The following IPO4 variants were observed in gnomAD, a reference collection of about 807,000 sequenced individuals.
IPO4 encodes the protein importin 4.
A neutral mutation model predicts 133.5 loss-of-function variants in IPO4; 91 were observed. That is an observed-to-expected ratio of 0.68 (90% CI 0.58 to 0.81). The LOEUF (loss-of-function observed/expected upper bound fraction) is 0.81, where lower values mean the gene tolerates loss of function less well. IPO4 is among the 30% of genes least tolerant of loss of function. The pLI is 0.00. For synonymous variants in IPO4, 607 were observed against 581.6 expected (o/e 1.04, Z -0.63); for missense variants, 1,279 against 1,386.2 (o/e 0.92, Z 1.23).
Position 24,186,960 on chromosome 14 carries a change from A to G in IPO4, c.674T>C (p.Leu225Pro), listed in dbSNP as rs745774606. 2 of 1,614,166 alleles carry G rather than the reference A, an allele frequency of 1.2e-6. No individual in the cohort carries two copies. The highest frequency in any genetic ancestry group is 2.2e-5 in the South Asian group (2 of 91,088). ...PIDEAKACEA[L>P]EALDELLESE... ...CTCCAACAGTTCATCCAAAGCCTCA[A>G]GGGCCTCACAGGCCTTTGCCTGACA... Residue 225 changes from leucine (L) to proline (P), a missense_variant, in exon 8 of 30, where the codon CTT becomes CCT. Leu to Pro is a moderately conservative substitution (Grantham distance 98, BLOSUM62 -3). Transcript: ENST00000354464.
intron 12 of IPO4, 75 bp downstream of exon 12, chr14:24,185,786 A>G (rs1434562259): frequency 1.1e-5 from 13 of 1,194,558 alleles, no homozygotes; most frequent in Non-Finnish European, 1.5e-5. Flanking sequence ...AATAAGCTTG[A>G]ACAACAAGCG....
chr14:24,180,413 T>C lies in IPO4; in HGVS notation c.*29A>G, dbSNP rs775567600. On this transcript the variant is annotated 3_prime_UTR_variant, in exon 30 of 30. Transcript: ENST00000354464. Reference sequence around the variant, plus strand: ...GGTCTTAAGGCCTGGGCAGGCTCTATTCTCTCTGGACTGGCTGCAGCCTGC... The same window carrying C: ...GGTCTTAAGGCCTGGGCAGGCTCTACTCTCTCTGGACTGGCTGCAGCCTGC... The C allele has an allele frequency of 4.3e-5, 69 of 1,596,526 alleles. No homozygotes were observed. Among genetic ancestry groups the C allele is most frequent in the Non-Finnish European group, 5.1e-5 (59 of 1,167,694 alleles).
intron 23 of IPO4, 51 bp from the exon 24 acceptor site, chr14:24,182,893 AT>A: frequency 1.3e-6 from 2 of 1,550,320 alleles, no homozygotes; most frequent in South Asian, 1.1e-5. Context: ...TTCTCTTTTC[AT>A]GGGGGTAGGG....
Position 24,188,353 on chromosome 14 carries a change from T to C in IPO4, c.227A>G (p.Gln76Arg). ...CCCAGGCCCAGCCCACCTCTCCCGT[T>C]GCTCCGCCGCCAGCCGTCGCCAGCG... is the stretch of plus-strand genomic sequence containing the variant. ...NTRWRRLAAE[Q>R]RESLKSLILT... The change falls in exon 3 of 30, where the codon CAA (glutamine) becomes CGA (arginine). Residue 76 changes from glutamine (Q) to arginine (R), a missense_variant. Physicochemically the swap from Gln to Arg is conservative, Grantham distance 43 (BLOSUM62 1). This residue lies in a region of IPO4 where 695 missense variants were observed against 704.1 expected (regional missense o/e 0.99). Coordinates refer to ENST00000354464, the MANE Select transcript of IPO4 (RefSeq NM_024658.4). The C allele has an allele frequency of 6.2e-7, 1 of 1,613,622 alleles. No homozygotes were observed. Among genetic ancestry groups the C allele is most frequent in the Non-Finnish European group, 8.5e-7 (1 of 1,179,888 alleles).
rs2039214103 is a variant in IPO4 at position 24,185,889 on chromosome 14, C to T, written c.1141G>A (p.Asp381Asn). The T allele has an allele frequency of 6.2e-7, 1 of 1,613,854 alleles. No individual in the cohort carries two copies. The highest frequency in any genetic ancestry group is 8.5e-7 in the Non-Finnish European group (1 of 1,180,020). Residue 381 changes from aspartate (D) to asparagine (N), a missense_variant, in exon 12 of 30, where the codon GAC becomes AAC. Transcript: ENST00000354464. The part of the protein sequence containing the change: ...AGLLVLAVLS[D>N]GAGDHIRQRL... ...TGCCTGATGTGGTCGCCAGCTCCGT[C>T]AGACAGCACGGCCAGCACCAGGAGT...
chr14:24,185,017 G>A, intron 14 of IPO4, 37 bp from the exon 15 acceptor site: 1 of 1,601,838 alleles, frequency 6.2e-7, no homozygotes, highest in Non-Finnish European at 8.5e-7. Flanking sequence ...ACCAACCCAG[G>A]TCTGCTACCT....
chr14:24,182,847 A>G lies in IPO4; in HGVS notation c.2422-5T>C, dbSNP rs559006545. 55 of 1,614,058 alleles carry G rather than the reference A, an allele frequency of 3.4e-5. 1 individual carries two copies. In the South Asian group the frequency reaches 5.9e-4, roughly 17 times the overall value. ...GTCAGTATCCTGACAGGCTGTCTAC[A>G]AGAAGTAGCTCAACTTAGCGGAGCT... On this transcript the variant is annotated splice_region_variant and splice_polypyrimidine_tract_variant and intron_variant, in intron 23 of 29. Coordinates refer to ENST00000354464, the MANE Select transcript of IPO4 (RefSeq NM_024658.4).
rs1193469628 is a variant in IPO4, at chr14:24,184,107, T to C, written c.1760A>G (p.Tyr587Cys). 6.2e-7 allele frequency: 1 copy of C among 1,611,956 alleles called. No individual in the cohort carries two copies. The highest frequency in any genetic ancestry group is 1.1e-5 in the South Asian group (1 of 90,958). Residue 587 changes from tyrosine (Y) to cysteine (C), a missense_variant and splice_region_variant, in exon 18 of 30, where the codon TAC becomes TGC. Coordinates refer to ENST00000354464, the MANE Select transcript of IPO4 (RefSeq NM_024658.4). ...VDDPDLRRCT[Y>C]SLFAALSGLM... ...ACCCGATAAGGCTGCAAATAGGCTG[T>C]ACCTGGTCAAAGCAGGCAGAAGAAG...
Position 24,182,054 on chromosome 14 carries a change from A to C in IPO4, c.2708T>G (p.Val903Gly). 6.2e-7 allele frequency: 1 copy of C among 1,613,728 alleles called. No homozygotes were observed. Among genetic ancestry groups the C allele is most frequent in the Non-Finnish European group, 8.5e-7 (1 of 1,180,024 alleles). The change falls in exon 26 of 30, where the codon GTG becomes GGG. Residue 903 changes from valine to glycine, a missense_variant. This residue lies in a region of IPO4 where 575 missense variants were observed against 653.4 expected (regional missense o/e 0.88). Coordinates refer to ENST00000354464, the MANE Select transcript of IPO4 (RefSeq NM_024658.4). ...TGCCTCTTGGGCGGTGCTCAACAGC[A>C]CAGGGAGCAGCCGAGACACAAACTG... ...SAQFVSRLLPVLLSTAQEADP... is the reference protein window; with the variant it reads ...SAQFVSRLLPGLLSTAQEADP...
In IPO4 at chr14:24,182,902, G is replaced by GC. The variant is rs869188607; in HGVS notation, c.2422-61_2422-60insG. On this transcript the variant is annotated intron_variant, in intron 23 of 29. Transcript: ENST00000354464. Reference sequence around the variant, plus strand: ...CGCCCCTTCTCTTTTCATGGGGGTAGGGGGTGGACTTGTAGCCAGTCCCCA... The same window carrying GC: ...CGCCCCTTCTCTTTTCATGGGGGTAGCGGGGTGGACTTGTAGCCAGTCCCCA... 8 of 1,487,300 alleles carry GC rather than the reference G, an allele frequency of 5.4e-6. No individual in the cohort carries two copies. The African/African-American group carries it at 1.2e-4, about 22-fold the overall frequency. 92.1% of individuals were successfully genotyped at this position (1,487,300 alleles called of 1,614,324 possible).
In IPO4 at chr14:24,187,377, G is replaced by C. The variant is rs767227973; in HGVS notation, c.588+23C>G. 6.8e-6 allele frequency: 11 copies of C among 1,611,266 alleles called. No homozygotes were observed. In the African/African-American group the frequency reaches 1.5e-4, roughly 22 times the overall value. ...GAAGGCATGAGGAAAGGGAGTCAAAGATAACGAGGGCCCACATCTCACCAC... is the reference window on the plus strand; with the variant it reads ...GAAGGCATGAGGAAAGGGAGTCAAACATAACGAGGGCCCACATCTCACCAC... On this transcript the variant is annotated intron_variant, in intron 6 of 29. Transcript: ENST00000354464.
At position 24,180,676 on chromosome 14, in the gene IPO4, C is replaced by T. The variant is rs2039119826; in HGVS notation, c.3115+13G>A. ...GCCTCCCGCAAGCCCCTGCCTATGA[C>T]TCCTACCCTCACCTGGTGGGATCTT... On this transcript the variant is annotated intron_variant, in intron 29 of 29. Coordinates refer to ENST00000354464, the MANE Select transcript of IPO4 (RefSeq NM_024658.4). The T allele has an allele frequency of 1.9e-6, 3 of 1,614,134 alleles. No individual in the cohort carries two copies. Among genetic ancestry groups the T allele is most frequent in the Non-Finnish European group, 2.5e-6 (3 of 1,179,992 alleles).
rs1380131230 is a variant in IPO4, at chr14:24,187,655, A to G, written c.408+12T>C. On this transcript the variant is annotated intron_variant, in intron 5 of 29. Coordinates refer to ENST00000354464, the MANE Select transcript of IPO4 (RefSeq NM_024658.4). ...TCTCAGGCCCTCCCTCCTGCCAACC[A>G]TGTGATGGTACCTCTCTCTCTGGGC... The G allele has an allele frequency of 6.2e-7, 1 of 1,613,838 alleles. No homozygotes were observed. The highest frequency in any genetic ancestry group is 1.7e-5 in the Admixed American group (1 of 60,020).
At position 24,186,990 on chromosome 14, in the gene IPO4, A is replaced by T; in HGVS notation, c.655-11T>A. On this transcript the variant is annotated splice_polypyrimidine_tract_variant and intron_variant, in intron 7 of 29. Transcript: ENST00000354464. ...CTCACAGGCCTTTGCCTGACAGACA[A>T]ACAAGGCACAAGGTTACCATGCTCT... 6.2e-7 allele frequency: 1 copy of T among 1,613,422 alleles called. No individual in the cohort carries two copies. Among genetic ancestry groups the T allele is most frequent in the Non-Finnish European group, 8.5e-7 (1 of 1,179,386 alleles).
At chr14:24,183,209 C>G (rs772654867) in intron 22 of IPO4, 40 bp from the exon 23 acceptor site, 2 of 1,611,812 alleles carry the variant, frequency 1.2e-6, no homozygotes, top group Non-Finnish European at 1.7e-6. Flanking sequence ...CAGGCCCTGC[C>G]CCTCCCCAAG....
Position 24,186,950 on chromosome 14 carries a change from C to T in IPO4, c.684G>A (p.Leu228=), listed in dbSNP as rs755793538. The change falls in exon 8 of 30, where the codon TTG becomes TTA. Residue 228 remains leucine (L), a synonymous_variant. Coordinates refer to ENST00000354464, the MANE Select transcript of IPO4 (RefSeq NM_024658.4). ...EAKACEALEA[L]DELLESEVPV... The stretch of plus-strand genomic sequence containing the variant: ...GCACCTCTGACTCCAACAGTTCATC[C>T]AAAGCCTCAAGGGCCTCACAGGCCT... The T allele has an allele frequency of 3.1e-6, 5 of 1,614,136 alleles. No individual in the cohort carries two copies. The highest frequency in any genetic ancestry group is 4.2e-6 in the Non-Finnish European group (5 of 1,180,014).
chr14:24,185,370 G>T, intron 13 of IPO4, 58 bp from the exon 14 acceptor site: 2 of 1,613,342 alleles, frequency 1.2e-6, no homozygotes, highest in East Asian at 2.2e-5. Context: ...ACACACAAGA[G>T]TGCTGATGGC....
chr14:24,187,908 G>A, intron 4 of IPO4, 112 bp from the exon 5 acceptor site: 1 of 1,363,412 alleles, frequency 7.3e-7, no homozygotes, highest in Non-Finnish European at 1.0e-6. Context: ...GTGGGCACAG[G>A]GTCTTTGCCA....
rs374715815 is a variant in IPO4 at position 24,187,725 on chromosome 14, G to A, written c.350C>T (p.Pro117Leu). 6.2e-7 allele frequency: 1 copy of A among 1,614,220 alleles called. No homozygotes were observed. Residue 117 changes from proline to leucine, a missense_variant, in exon 5 of 30, where the codon CCA becomes CTA. Coordinates refer to ENST00000354464, the MANE Select transcript of IPO4 (RefSeq NM_024658.4). ...GTGCTGAAGCAGCTGCAAAAGCTGT[G>A]GCCAGGCCTCCAAGCCTTCCTTTCG... ...IFRKEGLEAW[P>L]QLLQLLQHST...
Sources: allele counts gnomAD v4.1 joint callset, GRCh38; gene constraint gnomAD v4.1.1; regional missense constraint gnomAD v4.1.1; transcripts MANE v1.5; gene names NCBI Gene and HGNC (gene_info 2026-07-23, HGNC 2026-07-21).